CNTNAP4: variants seen among roughly 807,000 people sequenced by gnomAD.
The protein encoded by CNTNAP4 is contactin-associated protein-like 4.
Under a neutral mutation model 148.4 loss-of-function variants are expected in CNTNAP4, and 98 were observed. That is an observed-to-expected ratio of 0.66 (90% confidence interval 0.56 to 0.78). The LOEUF (loss-of-function observed/expected upper bound fraction) is 0.78. Ranked by LOEUF, CNTNAP4 falls within the 30% of genes least tolerant of loss-of-function variation. The pLI, the probability that CNTNAP4 is intolerant of heterozygous loss-of-function variation, is 0.00. For missense variants in CNTNAP4, 1,935 were observed against 1,565.6 expected, an observed-to-expected ratio of 1.24 and a Z score of -3.98; for synonymous variants, 730 against 565.1, an observed-to-expected ratio of 1.29 and a Z score of -4.14.
intron 3 of CNTNAP4, among the ~76,000 whole-genome samples, chr16:76,425,401 A>G (rs1463521654): frequency 2.0e-5 from 3 of 152,302 alleles, no homozygotes; most frequent in Middle Eastern, 3.4e-3. Flanking sequence ...CACATTCAAC[A>G]TATATTTTAT....
chr16:76,314,724 C>T (rs546836534), intron 1 of CNTNAP4, among the ~76,000 whole-genome samples: 369 of 152,152 alleles, frequency 2.4e-3, no homozygotes, highest in Non-Finnish European at 3.9e-3. Context: ...GAATGCAGCC[C>T]AGCAAGTCTC....
chr16:76,520,613 C>T (rs1236179765), intron 15 of CNTNAP4, among the ~76,000 whole-genome samples: 1 of 152,080 alleles, frequency 6.6e-6, no homozygotes, highest in African/African-American at 2.4e-5. Flanking sequence ...TGTAATTAGA[C>T]AAGACTATTT....
intron 17 of CNTNAP4, among the ~76,000 whole-genome samples, chr16:76,534,927 C>T (rs1223683265): frequency 2.0e-5 from 3 of 152,132 alleles, no homozygotes; most frequent in Non-Finnish European, 4.4e-5. Flanking sequence ...GTATCGATCC[C>T]CTTTTGCAAT....
chr16:76,280,887 T>A (rs1958660930), intron 1 of CNTNAP4, among the ~76,000 whole-genome samples: 1 of 152,108 alleles, frequency 6.6e-6, no homozygotes, highest in Non-Finnish European at 1.5e-5. Context: ...AAAGAAGGAA[T>A]GGGTACAGTA....
At chr16:76,336,200 GAA>G (rs924368772) in intron 2 of CNTNAP4, among the ~76,000 whole-genome samples, 1 of 151,826 alleles carries the variant, frequency 6.6e-6, no homozygotes, top group African/African-American at 2.4e-5. Flanking sequence ...ATTGGGTTGG[GAA>G]AAAAAATGCA....
At chr16:76,311,435 T>C (rs1382065681) in intron 1 of CNTNAP4, among the ~76,000 whole-genome samples, 4 of 152,194 alleles carry the variant, frequency 2.6e-5, no homozygotes, top group Admixed American at 6.5e-5. Flanking sequence ...GATTTGTATG[T>C]ATATGGTGTA....
intron 3 of CNTNAP4, among the ~76,000 whole-genome samples, chr16:76,366,838 A>G (rs1345211023): frequency 2.0e-5 from 3 of 152,204 alleles, no homozygotes; most frequent in African/African-American, 7.2e-5. Context: ...TTAGAATATT[A>G]CTAAAGGACA....
intron 3 of CNTNAP4, among the ~76,000 whole-genome samples, chr16:76,380,661 AT>A (rs1283544322): frequency 6.6e-6 from 1 of 152,034 alleles, no homozygotes; most frequent in Non-Finnish European, 1.5e-5. Flanking sequence ...CAATTTTTTT[AT>A]TTGTAAGTAG....
intron 3 of CNTNAP4, among the ~76,000 whole-genome samples, chr16:76,357,081 A>ACACACC (rs1219467187): frequency 6.6e-5 from 10 of 150,828 alleles, no homozygotes; most frequent in African/African-American, 2.0e-4. Flanking sequence ...ACACACACAC[A>ACACACC]CCCCAAACTC....
chr16:76,287,914 A>G (rs1208867352), intron 1 of CNTNAP4, among the ~76,000 whole-genome samples: 1 of 152,228 alleles, frequency 6.6e-6, no homozygotes, highest in Non-Finnish European at 1.5e-5. Flanking sequence ...CACATCCAAC[A>G]TTAAGTTGAG....
At chr16:76,492,215 A>G (rs1326744323) in intron 13 of CNTNAP4, among the ~76,000 whole-genome samples, 1 of 152,204 alleles carries the variant, frequency 6.6e-6, no homozygotes, top group Non-Finnish European at 1.5e-5. Flanking sequence ...ACAACAATGT[A>G]TTGTATACTT....
At chr16:76,358,064 TG>T (rs1450505013) in intron 3 of CNTNAP4, among the ~76,000 whole-genome samples, 2 of 152,218 alleles carry the variant, frequency 1.3e-5, no homozygotes, top group South Asian at 2.1e-4. Flanking sequence ...CTGGGCGTTT[TG>T]GCTCACATCT....
chr16:76,370,289 G>GAA (rs370717129), intron 3 of CNTNAP4, among the ~76,000 whole-genome samples: 7,467 of 146,954 alleles, frequency 0.051, 588 homozygotes, highest in African/African-American at 0.17. Context: ...TATTCTGACA[G>GAA]AAAAAAAAAA....
At chr16:76,452,341 G>C (rs1225857099) in intron 7 of CNTNAP4, among the ~76,000 whole-genome samples, 167 bp from the exon 8 acceptor site, 1 of 152,086 alleles carries the variant, frequency 6.6e-6, no homozygotes, top group Non-Finnish European at 1.5e-5. Flanking sequence ...CAGAGCAAAG[G>C]GTTGAAGAAC....
At chr16:76,532,938 A>G (rs550208065) in intron 17 of CNTNAP4, among the ~76,000 whole-genome samples, 2 of 152,278 alleles carry the variant, frequency 1.3e-5, no homozygotes, top group African/African-American at 4.8e-5. Flanking sequence ...CAGGTCCTCA[A>G]AAAACTACAA....
chr16:76,318,825 C>T (rs1247188758), intron 2 of CNTNAP4, among the ~76,000 whole-genome samples: 1 of 150,600 alleles, frequency 6.6e-6, no homozygotes, highest in Non-Finnish European at 1.5e-5. Flanking sequence ...TTTCTCATAA[C>T]ATTTCTCATA....
chr16:76,347,334 A>G (rs1964992993), intron 2 of CNTNAP4, among the ~76,000 whole-genome samples: 1 of 152,200 alleles, frequency 6.6e-6, no homozygotes, highest in African/African-American at 2.4e-5. Flanking sequence ...TTTCAATCTT[A>G]TATGCAGTAA....
At chr16:76,324,905 T>A (rs745897187) in intron 2 of CNTNAP4, among the ~76,000 whole-genome samples, 2 of 152,182 alleles carry the variant, frequency 1.3e-5, no homozygotes, top group Non-Finnish European at 1.5e-5. Context: ...CCAAATGCCA[T>A]CACACTGGGG....
chr16:76,527,921 C>G (rs1347330875), intron 17 of CNTNAP4, among the ~76,000 whole-genome samples: 3 of 152,054 alleles, frequency 2.0e-5, no homozygotes, highest in African/African-American at 7.2e-5. Flanking sequence ...TAGGACAAGA[C>G]TGAAAGACTG....
Sources: allele counts gnomAD v4.1 joint callset (sites outside exome capture counted in the v4.1 genomes callset), GRCh38; gene constraint gnomAD v4.1.1; transcripts MANE v1.5; gene names NCBI Gene and HGNC (gene_info 2026-07-23, HGNC 2026-07-21).